The following WDPCP variants were observed in gnomAD, a reference collection of about 807,000 sequenced individuals.
WDPCP encodes WD repeat-containing and planar cell polarity effector protein fritz homolog.
Under a neutral mutation model 93.1 loss-of-function variants are expected in WDPCP, and 71 were observed. The observed-to-expected ratio is 0.76, with a 90% confidence interval of 0.63 to 0.93. The LOEUF (loss-of-function observed/expected upper bound fraction) is 0.93. Among genes scored for constraint, WDPCP ranks in the 40% least tolerant of loss-of-function variants. The pLI is 0.00. For synonymous variants in WDPCP, 315 were observed against 315.0 expected (o/e 1.00, Z 0.00); for missense variants, 844 against 887.4 (o/e 0.95, Z 0.62).
chr2:63,503,011 C>A (rs1359944172), intron 1 of WDPCP, among the ~76,000 whole-genome samples: 2 of 152,086 alleles, frequency 1.3e-5, no homozygotes, highest in African/African-American at 4.8e-5. Flanking sequence ...TTCTATGCCT[C>A]GAAAGAAAAG....
intron 14 of WDPCP, among the ~76,000 whole-genome samples, chr2:63,242,425 GT>G (rs1391928145): frequency 6.6e-5 from 10 of 152,070 alleles, no homozygotes; most frequent in Non-Finnish European, 1.3e-4. Flanking sequence ...AAAAGAAGTT[GT>G]TTCTCCATGT....
chr2:63,278,629 C>G (rs1575044795), intron 13 of WDPCP, among the ~76,000 whole-genome samples: 1 of 152,174 alleles, frequency 6.6e-6, no homozygotes, highest in Admixed American at 6.5e-5. Flanking sequence ...AGATTGAGAC[C>G]ATCCTGGCAA....
At chr2:63,818,551 C>G (rs1670972962) in intron 1 of WDPCP, among the ~76,000 whole-genome samples, 1 of 152,024 alleles carries the variant, frequency 6.6e-6, no homozygotes, top group Non-Finnish European at 1.5e-5. Flanking sequence ...ACAGTGGGAA[C>G]AAAGAAATGA....
intron 14 of WDPCP, among the ~76,000 whole-genome samples, chr2:63,177,975 A>G (rs1202678351): frequency 1.3e-5 from 2 of 152,160 alleles, no homozygotes; most frequent in Non-Finnish European, 2.9e-5. Context: ...GTGTGTATCA[A>G]TTGAGATGAT....
intron 3 of WDPCP, among the ~76,000 whole-genome samples, chr2:63,633,087 G>GA (rs970276812): frequency 2.0e-5 from 3 of 152,050 alleles, no homozygotes; most frequent in African/African-American, 7.2e-5. Context: ...AGTCCTGAAA[G>GA]AAAAAAATCT....
intron 1 of WDPCP, among the ~76,000 whole-genome samples, chr2:63,536,179 G>C (rs1315627929): frequency 6.6e-6 from 1 of 152,136 alleles, no homozygotes; most frequent in African/African-American, 2.4e-5. Flanking sequence ...TCTCACACCA[G>C]TTAGAATGGC....
At chr2:63,228,156 G>A (rs1212562839) in intron 14 of WDPCP, among the ~76,000 whole-genome samples, 1 of 151,924 alleles carries the variant, frequency 6.6e-6, no homozygotes, top group African/African-American at 2.4e-5. Flanking sequence ...AGTTGCTGGA[G>A]GTCATGTACA....
At chr2:63,300,091 A>C (rs1452730519) in intron 13 of WDPCP, among the ~76,000 whole-genome samples, 1 of 152,066 alleles carries the variant, frequency 6.6e-6, no homozygotes, top group Non-Finnish European at 1.5e-5. Flanking sequence ...TATATAAATC[A>C]GACACCACCT....
intron 2 of WDPCP, among the ~76,000 whole-genome samples, chr2:63,731,721 G>A (rs1048721891): frequency 1.3e-5 from 2 of 152,208 alleles, no homozygotes; most frequent in Admixed American, 1.3e-4. Flanking sequence ...GTTGGAGGGA[G>A]GATAGGGAAG....
intron 1 of WDPCP, among the ~76,000 whole-genome samples, chr2:63,822,203 T>C (rs911797804): frequency 6.6e-6 from 1 of 152,108 alleles, no homozygotes; most frequent in Non-Finnish European, 1.5e-5. Flanking sequence ...AAAATAGAAT[T>C]TGAGACTAAT....
At chr2:63,667,321 C>T (rs1710295641) in intron 2 of WDPCP, among the ~76,000 whole-genome samples, 1 of 152,192 alleles carries the variant, frequency 6.6e-6, no homozygotes, top group Non-Finnish European at 1.5e-5. Context: ...TAGGGCAGAA[C>T]AGCGCTGGCA....
At chr2:63,707,036 CT>C (rs936251115) in intron 2 of WDPCP, among the ~76,000 whole-genome samples, 1 of 148,414 alleles carries the variant, frequency 6.7e-6, no homozygotes, top group African/African-American at 2.4e-5. Flanking sequence ...GTAACCCGAC[CT>C]TTCTTTCTGG....
intron 15 of WDPCP, among the ~76,000 whole-genome samples, chr2:63,167,485 T>C (rs1673074311): frequency 6.6e-6 from 1 of 152,220 alleles, no homozygotes; most frequent in African/African-American, 2.4e-5. Context: ...TTATAATTAC[T>C]TCTTAGAAAT....
Position 63,603,354 on chromosome 2 carries a change from T to G in WDPCP, n.488+47305A>C, listed in dbSNP as rs542596805. 1.8e-4 allele frequency among the ~76,000 whole-genome samples: 27 copies of G among 152,340 alleles called. No homozygotes were observed. The East Asian group carries it at 5.2e-3, about 29-fold the overall frequency. On this transcript the variant is annotated intron_variant and non_coding_transcript_variant, in intron 3 of 4. Transcript: ENST00000467687. Reference sequence around the variant, plus strand: ...CTTAAAATATCAAAGTGTATTCCTTTTCTTACATGGTAAATACTCAAATGC... The same window carrying G: ...CTTAAAATATCAAAGTGTATTCCTTGTCTTACATGGTAAATACTCAAATGC...
chr2:63,694,077 T>C (rs1668928530), intron 2 of WDPCP, among the ~76,000 whole-genome samples: 1 of 152,182 alleles, frequency 6.6e-6, no homozygotes. Context: ...TCTTCCCTCC[T>C]CTTCTCTACT....
chr2:63,830,460 C>T (rs1039466889), upstream of WDPCP, among the ~76,000 whole-genome samples: 3 of 152,088 alleles, frequency 2.0e-5, no homozygotes, highest in African/African-American at 7.2e-5. Context: ...TTTTGTTTGT[C>T]TGTAGAATTC....
At chr2:63,231,315 G>C (rs1253759789) in intron 14 of WDPCP, among the ~76,000 whole-genome samples, 1 of 152,106 alleles carries the variant, frequency 6.6e-6, no homozygotes, top group Non-Finnish European at 1.5e-5. Flanking sequence ...ACATAGTTTT[G>C]GAAGTTCTGG....
chr2:63,560,224 A>G (rs1262402981), intron 1 of WDPCP, among the ~76,000 whole-genome samples: 1 of 152,142 alleles, frequency 6.6e-6, no homozygotes, highest in Non-Finnish European at 1.5e-5. Flanking sequence ...AATCCGTCGC[A>G]AGAAAATAAA....
At chr2:63,567,116 T>A (rs759105353) in intron 1 of WDPCP, among the ~76,000 whole-genome samples, 1 of 152,188 alleles carries the variant, frequency 6.6e-6, no homozygotes, top group Non-Finnish European at 1.5e-5. Context: ...CCAGAAGCTC[T>A]GAACTCTGTT....
Sources: allele counts gnomAD v4.1 joint callset (sites outside exome capture counted in the v4.1 genomes callset), GRCh38; gene constraint gnomAD v4.1.1; transcripts MANE v1.5; gene names NCBI Gene and HGNC (gene_info 2026-07-23, HGNC 2026-07-21).